Variants in RAB20 observed in about 807,000 individuals in gnomAD.
The protein encoded by RAB20 is ras-related protein Rab-20.
A neutral mutation model predicts 3.7 loss-of-function variants in RAB20; 2 were observed. That is an observed-to-expected ratio of 0.54 (90% CI 0.22 to 1.69). The LOEUF (loss-of-function observed/expected upper bound fraction) is 1.69. Among genes scored for constraint, RAB20 ranks in the 40% most tolerant of loss-of-function variants. The pLI, the probability that RAB20 is intolerant of heterozygous loss-of-function variation, is 0.19. For missense variants in RAB20, 276 were observed against 311.9 expected (o/e 0.88, Z 0.87); for synonymous variants, 126 against 130.8 (o/e 0.96, Z 0.25).
chr13:110,557,660 C>T (rs373405042), intron 1 of RAB20, among the ~76,000 whole-genome samples: 1 of 152,376 alleles, frequency 6.6e-6, no homozygotes, highest in South Asian at 2.1e-4. Flanking sequence ...CTCCAACACC[C>T]AGTCCCCAGA....
chr13:110,561,447 A>G lies in RAB20; in HGVS notation c.73T>C (p.Tyr25His), dbSNP rs139226155. Residue 25 changes from tyrosine (Y) to histidine (H), a missense_variant, in exon 1 of 2, where the codon TAT becomes CAT. Transcript: ENST00000267328. ...GTGTCCGGGAAGCGCCGCTCCATATACCGCTGCAGCAGCGACGTCTTCCCC... is the reference window on the plus strand; with the variant it reads ...GTGTCCGGGAAGCGCCGCTCCATATGCCGCTGCAGCAGCGACGTCTTCCCC... ...NVGKTSLLQR[Y>H]MERRFPDTVS... The G allele has an allele frequency of 5.1e-4, 821 of 1,607,594 alleles. 1 individual carries two copies. The highest frequency in any genetic ancestry group is 6.7e-4 in the Non-Finnish European group (784 of 1,177,136).
chr13:110,540,023 T>A (rs902176932), intron 1 of RAB20, among the ~76,000 whole-genome samples: 2 of 152,360 alleles, frequency 1.3e-5, no homozygotes, highest in South Asian at 4.1e-4. Context: ...CTACGTGGCT[T>A]CTGGAAAAAT....
At chr13:110,551,145 T>C (rs1884944738) in intron 1 of RAB20, among the ~76,000 whole-genome samples, 1 of 152,154 alleles carries the variant, frequency 6.6e-6, no homozygotes, top group Non-Finnish European at 1.5e-5. Context: ...TTACATTCTA[T>C]GGAAAACTCC....
At chr13:110,549,973 C>T (rs1204926868) in intron 1 of RAB20, among the ~76,000 whole-genome samples, 2 of 152,220 alleles carry the variant, frequency 1.3e-5, no homozygotes, top group African/African-American at 4.8e-5. Context: ...ATCTACCCTC[C>T]TCGGCCTCCC....
Position 110,561,652 on chromosome 13 carries a change from C to G in RAB20, c.-133G>C. ...ATTCTCGTGAACGCTCCGGGACCTT[C>G]GCCTCCGGACGCCCGGGAGCTCAAG... is the stretch of plus-strand genomic sequence containing the variant. On this transcript the variant is annotated 5_prime_UTR_variant, in exon 1 of 2. Transcript: ENST00000267328. 1 of 1,378,032 alleles carries G rather than the reference C, an allele frequency of 7.3e-7. No individual in the cohort carries two copies. Among genetic ancestry groups the G allele is most frequent in the African/African-American group, 1.5e-5 (1 of 65,508 alleles). The allele number at this position is 1,378,032 out of a possible 1,614,324, so 85.4% of individuals were successfully genotyped here.
intron 1 of RAB20, among the ~76,000 whole-genome samples, chr13:110,549,016 C>T (rs1052362785): frequency 6.6e-6 from 1 of 152,208 alleles, no homozygotes; most frequent in African/African-American, 2.4e-5. Flanking sequence ...TTCCAAACTT[C>T]CCAGGCCAGT....
At chr13:110,558,696 T>G (rs1296314998) in intron 1 of RAB20, among the ~76,000 whole-genome samples, 1 of 11,624 alleles carries the variant, frequency 8.6e-5, no homozygotes, top group Non-Finnish European at 6.8e-4. Flanking sequence ...TCCCATCTGT[T>G]TTTTTTTTTT....
intron 1 of RAB20, among the ~76,000 whole-genome samples, chr13:110,559,553 G>C (rs922058780): frequency 6.6e-6 from 1 of 152,230 alleles, no homozygotes; most frequent in African/African-American, 2.4e-5. Flanking sequence ...CCGCCTGAGT[G>C]TGTACACAGG....
At chr13:110,553,470 T>C (rs1884990880) in intron 1 of RAB20, among the ~76,000 whole-genome samples, 1 of 152,176 alleles carries the variant, frequency 6.6e-6, no homozygotes. Context: ...GATCAGCAAA[T>C]GTTTTCCGCA....
chr13:110,559,855 G>C (rs1463987707), intron 1 of RAB20, among the ~76,000 whole-genome samples: 1 of 152,144 alleles, frequency 6.6e-6, no homozygotes, highest in African/African-American at 2.4e-5. Flanking sequence ...AGCACTGCAG[G>C]GCAGCTCTTG....
At chr13:110,528,582 C>T (rs1884474543) in intron 1 of RAB20, among the ~76,000 whole-genome samples, 2 of 152,114 alleles carry the variant, frequency 1.3e-5, no homozygotes, top group African/African-American at 4.8e-5. Context: ...CCAGATTTCA[C>T]AAGAGTGTGA....
At chr13:110,532,676 C>CTATTT (rs60213123) in intron 1 of RAB20, among the ~76,000 whole-genome samples, 61,223 of 150,478 alleles carry the variant, frequency 0.41, 12,826 homozygotes, top group African/African-American at 0.53. Flanking sequence ...CACGCCCAGC[C>CTATTT]TATTTAATTA....
chr13:110,559,880 C>T (rs1885102637), intron 1 of RAB20, among the ~76,000 whole-genome samples: 2 of 152,124 alleles, frequency 1.3e-5, no homozygotes, highest in African/African-American at 4.8e-5. Context: ...AGAAACACAC[C>T]GTGTGTTAAG....
intron 1 of RAB20, among the ~76,000 whole-genome samples, chr13:110,538,638 G>GAAA (rs1297871065): frequency 7.5e-6 from 1 of 132,782 alleles, no homozygotes; most frequent in East Asian, 2.2e-4. Context: ...GAAAAGAAAA[G>GAAA]AAAAAGAAAT....
intron 1 of RAB20, among the ~76,000 whole-genome samples, chr13:110,558,034 G>A (rs568743711): frequency 1.6e-4 from 25 of 152,368 alleles, no homozygotes; most frequent in African/African-American, 4.8e-4. Flanking sequence ...GCGGCCAGCC[G>A]GCCTGCTCAC....
intron 1 of RAB20, 62 bp downstream of exon 1, chr13:110,561,286 C>T (rs1885124860): frequency 6.8e-7 from 1 of 1,476,440 alleles, no homozygotes; most frequent in African/African-American, 1.5e-5. Flanking sequence ...TGCTGGAAGC[C>T]CCGCGCCCCC....
chr13:110,560,744 TA>T, intron 1 of RAB20, among the ~76,000 whole-genome samples: 1 of 149,152 alleles, frequency 6.7e-6, no homozygotes, highest in South Asian at 2.1e-4. Flanking sequence ...TTACCTATCT[TA>T]AAAATGCTTC....
At chr13:110,547,473 C>T (rs915391284) in intron 1 of RAB20, among the ~76,000 whole-genome samples, 1 of 152,142 alleles carries the variant, frequency 6.6e-6, no homozygotes, top group Non-Finnish European at 1.5e-5. Context: ...ACCCCATGCA[C>T]GAAATAGAAC....
At chr13:110,549,046 T>C (rs1166678542) in intron 1 of RAB20, among the ~76,000 whole-genome samples, 1 of 152,234 alleles carries the variant, frequency 6.6e-6, no homozygotes, top group Non-Finnish European at 1.5e-5. Flanking sequence ...GACACTACCC[T>C]GACTTCCTTG....
Sources: allele counts gnomAD v4.1 joint callset (sites outside exome capture counted in the v4.1 genomes callset), GRCh38; gene constraint gnomAD v4.1.1; transcripts MANE v1.5; gene names NCBI Gene and HGNC (gene_info 2026-07-23, HGNC 2026-07-21).